ARHGAP6: variants seen among roughly 807,000 people sequenced by gnomAD.
ARHGAP6 encodes rho GTPase-activating protein 6.
A neutral mutation model predicts 55.7 loss-of-function variants in ARHGAP6; 16 were observed. The observed-to-expected ratio is 0.29, with a 90% CI of 0.19 to 0.44. The LOEUF (loss-of-function observed/expected upper bound fraction) is 0.44. ARHGAP6 is among the 20% of genes least tolerant of loss of function. ARHGAP6 has a pLI of 1.00. For synonymous variants in ARHGAP6, 382 were observed against 360.9 expected (o/e 1.06, Z -0.66); for missense variants, 698 against 808.9 (o/e 0.86, Z 1.66).
At chrX:11,151,983 T>C (rs926222707) in intron 10 of ARHGAP6, among the ~76,000 whole-genome samples, 1 of 112,284 alleles carries the variant, frequency 8.9e-6, no homozygotes, top group Non-Finnish European at 1.9e-5. Flanking sequence ...TGCTATCTCA[T>C]GAAAACCAAA....
intron 1 of ARHGAP6, among the ~76,000 whole-genome samples, chrX:11,628,577 C>T (rs1034378250): frequency 1.8e-5 from 2 of 112,571 alleles, no homozygotes; most frequent in Admixed American, 9.4e-5. Context: ...TGATACTCTA[C>T]AGCTAGTTGG....
chrX:11,608,506 C>T (rs1270220593), intron 1 of ARHGAP6, among the ~76,000 whole-genome samples: 3 of 110,809 alleles, frequency 2.7e-5, no homozygotes, highest in Non-Finnish European at 5.7e-5. Flanking sequence ...GGAGAAGAAA[C>T]CCAGACTTTG....
chrX:11,298,425 A>C, intron 1 of ARHGAP6: 1 of 1,142,997 alleles, frequency 8.7e-7, no homozygotes, highest in South Asian at 1.8e-5. Flanking sequence ...CACAGTTACA[A>C]ATTTTTGCAA....
intron 10 of ARHGAP6, among the ~76,000 whole-genome samples, chrX:11,155,943 C>T (rs998550459): frequency 1.8e-5 from 2 of 112,653 alleles, no homozygotes; most frequent in Admixed American, 1.9e-4. Context: ...CAAGCCATAG[C>T]CTGCAGCATG....
intron 1 of ARHGAP6, among the ~76,000 whole-genome samples, chrX:11,629,912 A>G (rs947359329): frequency 8.9e-6 from 1 of 111,972 alleles, no homozygotes; most frequent in African/African-American, 3.2e-5. Context: ...AAGCCTAACC[A>G]GTAACTACTA....
At chrX:11,451,779 A>T (rs1051287241) in intron 1 of ARHGAP6, among the ~76,000 whole-genome samples, 5 of 112,130 alleles carry the variant, frequency 4.5e-5, no homozygotes, top group Admixed American at 2.8e-4. Context: ...CATGTTTGAA[A>T]TTACTGCTAG....
intron 1 of ARHGAP6, among the ~76,000 whole-genome samples, chrX:11,467,061 C>A (rs922973782): frequency 1.8e-5 from 2 of 111,820 alleles, no homozygotes; most frequent in Non-Finnish European, 3.8e-5. Context: ...ATTCTGTTTT[C>A]CTGACCTCAC....
At chrX:11,314,941 T>C (rs2048341097) in intron 1 of ARHGAP6, among the ~76,000 whole-genome samples, 1 of 112,191 alleles carries the variant, frequency 8.9e-6, no homozygotes, top group South Asian at 3.8e-4. Context: ...ACTTAAAAGC[T>C]AAAAAAGAGA....
chrX:11,349,118 A>T (rs1022445681), intron 1 of ARHGAP6, among the ~76,000 whole-genome samples: 2 of 109,432 alleles, frequency 1.8e-5, no homozygotes, highest in African/African-American at 6.7e-5. Context: ...TCATAAGGAT[A>T]GAGACAGAGT....
intron 2 of ARHGAP6, among the ~76,000 whole-genome samples, chrX:11,214,284 CGT>C (rs397934339): frequency 1.8e-5 from 2 of 109,110 alleles, no homozygotes; most frequent in African/African-American, 6.7e-5. Flanking sequence ...CACACACACA[CGT>C]GTGTGTGTGC....
At chrX:11,379,056 C>T (rs1035610185) in intron 1 of ARHGAP6, among the ~76,000 whole-genome samples, 3 of 112,491 alleles carry the variant, frequency 2.7e-5, no homozygotes, top group African/African-American at 9.7e-5. Context: ...AATGGACTAG[C>T]TCATGCATCT....
chrX:11,166,322 G>T (rs1223733297), intron 9 of ARHGAP6, among the ~76,000 whole-genome samples: 1 of 111,217 alleles, frequency 9.0e-6, no homozygotes, highest in East Asian at 2.8e-4. Context: ...TGCCTTCCAG[G>T]ACAAGCTCAC....
At chrX:11,328,927 A>G (rs912879980) in intron 1 of ARHGAP6, among the ~76,000 whole-genome samples, 3 of 112,063 alleles carry the variant, frequency 2.7e-5, no homozygotes, top group Non-Finnish European at 5.6e-5. Context: ...TTCAGACATA[A>G]TAACTGAATG....
At position 11,514,138 on chromosome X, in the gene ARHGAP6, G is replaced by C. The variant is rs1029731306; in HGVS notation, c.588+150103C>G. On this transcript the variant is annotated intron_variant, in intron 1 of 12. Coordinates refer to ENST00000337414, the MANE Select transcript of ARHGAP6 (RefSeq NM_013427.3). Reference sequence around the variant, plus strand: ...GATTTTGCCATTGTACTCTAGCCTGGGTGACGAAGTGAAACCCTGTCTCAA... The same window carrying C: ...GATTTTGCCATTGTACTCTAGCCTGCGTGACGAAGTGAAACCCTGTCTCAA... 3.3e-5 allele frequency among the ~76,000 whole-genome samples: 3 copies of C among 91,650 alleles called. No homozygotes were observed. In the Admixed American group the frequency reaches 3.8e-4, roughly 12 times the overall value. 79.6% of individuals were successfully genotyped at this position (91,650 alleles called of 115,157 possible).
At position 11,664,569 on chromosome X, in the gene ARHGAP6, G is replaced by A; in HGVS notation, c.260C>T (p.Pro87Leu). ...AGGCGGTAGCCTGGTGGCCCTGGGG[G>A]GCGGACCCCGGGAAGAGGACGCCAA... The part of the protein sequence containing the change: ...PRLASSSRGP[P>L]PRATRLPPPG... Residue 87 changes from proline to leucine, a missense_variant, in exon 1 of 13, where the codon CCC becomes CTC. Transcript: ENST00000337414. 8.4e-7 allele frequency: 1 copy of A among 1,186,937 alleles called. No homozygotes were observed. Among genetic ancestry groups the A allele is most frequent in the Middle Eastern group, 2.3e-4 (1 of 4,312 alleles).
At chrX:11,352,848 A>G (rs1329778126) in intron 1 of ARHGAP6, among the ~76,000 whole-genome samples, 1 of 111,961 alleles carries the variant, frequency 8.9e-6, no homozygotes, top group Non-Finnish European at 1.9e-5. Flanking sequence ...TAGACTATAT[A>G]TTATGCATAT....
chrX:11,624,575 TTTC>T (rs1184125103), intron 1 of ARHGAP6, among the ~76,000 whole-genome samples: 1 of 112,888 alleles, frequency 8.9e-6, no homozygotes, highest in Non-Finnish European at 1.9e-5. Context: ...AATTTCTTTT[TTTC>T]TTTTTTTTGA....
chrX:11,399,354 C>CAAA (rs56197001), intron 1 of ARHGAP6, among the ~76,000 whole-genome samples: 67 of 35,298 alleles, frequency 1.9e-3, no homozygotes, highest in African/African-American at 3.6e-3. Flanking sequence ...AATAAGCAAT[C>CAAA]AAAAAAAAAA....
At chrX:11,405,037 T>C (rs1270837130) in intron 1 of ARHGAP6, among the ~76,000 whole-genome samples, 1 of 112,182 alleles carries the variant, frequency 8.9e-6, no homozygotes, top group Non-Finnish European at 1.9e-5. Flanking sequence ...ATTATGACTG[T>C]TATATCTTTT....
Sources: allele counts gnomAD v4.1 joint callset (sites outside exome capture counted in the v4.1 genomes callset), GRCh38; gene constraint gnomAD v4.1.1; transcripts MANE v1.5; gene names NCBI Gene and HGNC (gene_info 2026-07-23, HGNC 2026-07-21).